Variants in ADGRL1 observed in about 807,000 individuals in gnomAD.
The protein encoded by ADGRL1 is CIRL-1.
Under a neutral mutation model 148.9 loss-of-function variants are expected in ADGRL1, and 31 were observed. The observed-to-expected ratio is 0.21, with a 90% CI of 0.16 to 0.28. The LOEUF (loss-of-function observed/expected upper bound fraction) is 0.28. Ranked by LOEUF, ADGRL1 falls within the 10% of genes least tolerant of loss-of-function variation. The pLI, the probability that ADGRL1 is intolerant of heterozygous loss-of-function variation, is 1.00. For synonymous variants in ADGRL1, 937 were observed against 900.3 expected (o/e 1.04, Z -0.73); for missense variants, 1,521 against 2,058.8 (o/e 0.74, Z 5.05).
chr19:14,177,386 G>T, intron 3 of ADGRL1, 145 bp downstream of exon 3: 2 of 747,382 alleles, frequency 2.7e-6, no homozygotes, highest in South Asian at 1.7e-5. Flanking sequence ...ATTCTCGTCT[G>T]CATGGGGCCC....
At position 14,151,376 on chromosome 19, in the gene ADGRL1, G is replaced by T. The variant is rs1231684540; in HGVS notation, c.3907C>A (p.Pro1303Thr). Residue 1303 changes from proline (P) to threonine (T), a missense_variant, in exon 23 of 23, where the codon CCC becomes ACC. Coordinates refer to ENST00000361434, the MANE Select transcript of ADGRL1 (RefSeq NM_014921.5). ...SAAKGPPPPE[P>T]PVPPVPGGGG... ...CCCCCTGGCACAGGTGGCACAGGGG[G>T]CTCAGGCGGTGGAGGGCCCTTGGCC... 1.2e-6 allele frequency: 2 copies of T among 1,602,612 alleles called. No individual in the cohort carries two copies. Among genetic ancestry groups the T allele is most frequent in the African/African-American group, 1.3e-5 (1 of 74,574 alleles).
chr19:14,155,733 A>G lies in ADGRL1; in HGVS notation c.3126-206T>C. On this transcript the variant is annotated intron_variant, in intron 17 of 22. Transcript: ENST00000361434. This position sits in a 1 kb window ranked among gnomAD's most constrained non-coding sequence, Gnocchi z 5.0. ...GGGCCTGAGGGAAAGGTACTGGGTC[A>G]GGGGTCGGGGTATTGTGAACATCAG... is the stretch of plus-strand genomic sequence containing the variant. The G allele has an allele frequency of 3.4e-6, 2 of 593,868 alleles. No homozygotes were observed. Among genetic ancestry groups the G allele is most frequent in the Non-Finnish European group, 6.0e-6 (2 of 334,388 alleles). The allele number at this position is 593,868 out of a possible 1,614,324, so 36.8% of individuals were successfully genotyped here.
intron 1 of ADGRL1, among the ~76,000 whole-genome samples, chr19:14,190,709 T>C (rs1971873474): frequency 6.6e-6 from 1 of 152,218 alleles, no homozygotes; most frequent in African/African-American, 2.4e-5. Context: ...ATAAGTGAGG[T>C]CATGCACTAT....
At position 14,160,420 on chromosome 19, in the gene ADGRL1, C is replaced by T; in HGVS notation, c.1615-123G>A. The T allele has an allele frequency of 4.1e-6, 4 of 979,100 alleles. No individual in the cohort carries two copies. The highest frequency in any genetic ancestry group is 6.0e-6 in the Non-Finnish European group (4 of 671,352). 60.7% of individuals were successfully genotyped at this position (979,100 alleles called of 1,614,324 possible). A position where few individuals can be genotyped will look rare whatever the true frequency, so the allele number is the denominator to read the frequency against. On this transcript the variant is annotated intron_variant, in intron 7 of 22. Coordinates refer to ENST00000361434, the MANE Select transcript of ADGRL1 (RefSeq NM_014921.5). This position sits in a 1 kb window ranked among gnomAD's most constrained non-coding sequence, Gnocchi z 5.9. ...CTCTCCACTTCCCCATCGCCATCTG[C>T]CCCTTCCCACCCCATCTGTCCCTGC...
chr19:14,166,419 G>A (rs1459438433), intron 4 of ADGRL1, among the ~76,000 whole-genome samples: 1 of 152,084 alleles, frequency 6.6e-6, no homozygotes, highest in African/African-American at 2.4e-5. Context: ...CAAACCAGAA[G>A]GAACTTAAGC....
intron 3 of ADGRL1, among the ~76,000 whole-genome samples, chr19:14,172,461 A>AG (rs920862188): frequency 6.6e-6 from 1 of 151,524 alleles, no homozygotes; most frequent in African/African-American, 2.4e-5. Context: ...ACACTGGGGC[A>AG]GGGTGCAGTG....
At position 14,161,429 on chromosome 19, in the gene ADGRL1, G is replaced by A; in HGVS notation, c.1393C>T (p.Pro465Ser). The change falls in exon 6 of 23, where the codon CCG becomes TCG. Residue 465 changes from proline (P) to serine (S), a missense_variant. Pro to Ser is a moderately conservative substitution (Grantham distance 74, BLOSUM62 -1). Transcript: ENST00000361434. The surrounding 1 kb of genome is among the most constrained non-coding windows in gnomAD (Gnocchi z 4.4). ...AGCTCAGGGGACACGTGTAGATTCG[G>A]GGCTGGGGGCCGCCGGGTGCTGGGG... ...PVPSTRRPPA[P>S]NLHVSPELFC... The A allele has an allele frequency of 2.6e-6, 4 of 1,510,312 alleles. No individual in the cohort carries two copies. The highest frequency in any genetic ancestry group is 3.5e-6 in the Non-Finnish European group (4 of 1,131,686). 93.6% of individuals were successfully genotyped at this position (1,510,312 alleles called of 1,614,324 possible). A position where few individuals can be genotyped will look rare whatever the true frequency, so the allele number is the denominator to read the frequency against.
In ADGRL1 at chr19:14,164,858, G is replaced by A. The variant is rs553727384; in HGVS notation, c.395-1452C>T. Among the ~76,000 whole-genome samples the A allele has an allele frequency of 1.8e-4, 27 of 152,232 alleles. 1 individual carries two copies. The highest frequency in any genetic ancestry group is 1.5e-3 in the Admixed American group (23 of 15,292). On this transcript the variant is annotated intron_variant, in intron 4 of 22. Transcript: ENST00000361434. ...GACACCCCACCTCCTCCCAGAGTGC[G>A]CCCCTCCATCCAGGATGGCCGGGCC...
chr19:14,183,456 G>A (rs1361194216), intron 2 of ADGRL1, 77 bp downstream of exon 2: 7 of 1,308,846 alleles, frequency 5.3e-6, no homozygotes, highest in Non-Finnish European at 6.3e-6. Context: ...GTGATCAGGA[G>A]GGTTTTCAAC....
chr19:14,195,457 G>C (rs1299951235), intron 1 of ADGRL1, among the ~76,000 whole-genome samples: 2 of 132,442 alleles, frequency 1.5e-5, no homozygotes, highest in Non-Finnish European at 3.2e-5. Context: ...GTGGGAGTCT[G>C]AGTGCCTTGG....
chr19:14,168,010 A>G (rs1160777649), intron 4 of ADGRL1, among the ~76,000 whole-genome samples: 1 of 152,110 alleles, frequency 6.6e-6, no homozygotes, highest in African/African-American at 2.4e-5. Flanking sequence ...GGGCTTGTCC[A>G]CTGTGTGGGA....
In ADGRL1 at chr19:14,160,176, AG is replaced by A. The variant is rs1291849593; in HGVS notation, c.1735del (p.Leu579TrpfsTer56). 6.3e-7 allele frequency: 1 copy of A among 1,597,762 alleles called. No individual in the cohort carries two copies. Among genetic ancestry groups the A allele is most frequent in the Non-Finnish European group, 8.6e-7 (1 of 1,166,858 alleles). ...CCGCAGGGCCTGCAGCTGGGCATCC[AG>A]GATGTCCAGCAGCTGCTCCATCAGC... The part of the protein sequence containing the change: ...VKLMEQLLDI[L>X]DAQLQALRPI... On this transcript the variant is annotated frameshift_variant, in exon 8 of 23. Coordinates refer to ENST00000361434, the MANE Select transcript of ADGRL1 (RefSeq NM_014921.5). LOFTEE classifies it high-confidence loss of function. This position sits in a 1 kb window ranked among gnomAD's most constrained non-coding sequence, Gnocchi z 5.9.
At chr19:14,170,472 G>C in intron 4 of ADGRL1, 1 of 508,074 alleles carries the variant, frequency 2.0e-6, no homozygotes, top group Non-Finnish European at 3.6e-6. Flanking sequence ...CCACAGGAGG[G>C]GACAGAGTCT....
chr19:14,161,640 A>G lies in ADGRL1; in HGVS notation c.1196-14T>C. The G allele has an allele frequency of 7.2e-7, 1 of 1,393,434 alleles. No homozygotes were observed. The highest frequency in any genetic ancestry group is 2.8e-5 in the East Asian group (1 of 35,948). The allele number at this position is 1,393,434 out of a possible 1,614,324, so 86.3% of individuals were successfully genotyped here. ...AAGTGGCTGGGCCTGGAGAGGGGAT[A>G]CGAGACAGGGTCATCCCCATGCTCA... On this transcript the variant is annotated splice_polypyrimidine_tract_variant and intron_variant, in intron 5 of 22. Coordinates refer to ENST00000361434, the MANE Select transcript of ADGRL1 (RefSeq NM_014921.5). This position sits in a 1 kb window ranked among gnomAD's most constrained non-coding sequence, Gnocchi z 4.4.
intron 4 of ADGRL1, chr19:14,168,926 G>T (rs968029912): frequency 6.6e-6 from 1 of 152,218 alleles, no homozygotes; most frequent in Non-Finnish European, 1.5e-5. Flanking sequence ...GAAAACTGAG[G>T]CACACTGAAG....
In ADGRL1 at chr19:14,160,761, A is replaced by AGAG; in HGVS notation, c.1511-68_1511-66dup. On this transcript the variant is annotated intron_variant, in intron 6 of 22. Transcript: ENST00000361434. This position sits in a 1 kb window ranked among gnomAD's most constrained non-coding sequence, Gnocchi z 5.9. ...AGGGAAGAAGAGAAGGATGGGACAG[A>AGAG]GAGGGGGAAAGGAGATGACAGAGAG... 1.1e-6 allele frequency: 1 copy of AGAG among 910,264 alleles called. No homozygotes were observed. The highest frequency in any genetic ancestry group is 1.8e-6 in the Non-Finnish European group (1 of 551,522). The allele number at this position is 910,264 out of a possible 1,614,324, so 56.4% of individuals were successfully genotyped here.
intron 22 of ADGRL1, among the ~76,000 whole-genome samples, 161 bp from the exon 23 acceptor site, chr19:14,151,776 C>T (rs1197010787): frequency 2.0e-5 from 3 of 152,146 alleles, no homozygotes; most frequent in African/African-American, 7.2e-5. Flanking sequence ...TTCCCTTTCT[C>T]CCTCACTGGC....
At chr19:14,190,156 C>A (rs750859662) in intron 1 of ADGRL1, among the ~76,000 whole-genome samples, 17 of 152,098 alleles carry the variant, frequency 1.1e-4, no homozygotes, top group Non-Finnish European at 2.2e-4. Flanking sequence ...AACTCTTGAG[C>A]TCAAGCAATC....
At position 14,158,063 on chromosome 19, in the gene ADGRL1, G is replaced by A; in HGVS notation, c.2365-11C>T. 1.2e-6 allele frequency: 2 copies of A among 1,613,802 alleles called. No homozygotes were observed. The highest frequency in any genetic ancestry group is 1.7e-6 in the Non-Finnish European group (2 of 1,179,772). On this transcript the variant is annotated splice_polypyrimidine_tract_variant and intron_variant, in intron 12 of 22. Coordinates refer to ENST00000361434, the MANE Select transcript of ADGRL1 (RefSeq NM_014921.5). ...GAAGTGGTTCTTGTCCTGTTGTGTG[G>A]TGGCACCAGGGTGTCATAACTAGAG...
Sources: allele counts gnomAD v4.1 joint callset (sites outside exome capture counted in the v4.1 genomes callset), GRCh38; gene constraint gnomAD v4.1.1; non-coding constraint Gnocchi (gnomAD v3.1); transcripts MANE v1.5; gene names NCBI Gene and HGNC (gene_info 2026-07-23, HGNC 2026-07-21).